Variants in HYAL4 observed in about 807,000 individuals in gnomAD.
The protein encoded by HYAL4 is hyaluronidase 4.
A neutral mutation model predicts 35.2 loss-of-function variants in HYAL4; 37 were observed. That is an observed-to-expected ratio of 1.05 (90% CI 0.81 to 1.38). The LOEUF (loss-of-function observed/expected upper bound fraction) is 1.38. Among genes scored for constraint, HYAL4 ranks in the 40% most tolerant of loss-of-function variants. The probability of loss-of-function intolerance (pLI) is 0.00; values close to 1 mark genes in which losing one functional copy is unlikely to be tolerated. For synonymous variants in HYAL4, 198 were observed against 203.2 expected, an observed-to-expected ratio of 0.97 and a Z score of 0.22; for missense variants, 572 against 572.4, an observed-to-expected ratio of 1.00 and a Z score of 0.01.
intron 2 of HYAL4, among the ~76,000 whole-genome samples, chr7:123,860,807 T>G (rs1806561064): frequency 6.6e-6 from 1 of 152,210 alleles, no homozygotes; most frequent in Non-Finnish European, 1.5e-5. Context: ...CTGTTTCCAC[T>G]AGGAATGTAC....
chr7:123,833,802 T>G (rs1350047271), intron 1 of HYAL4, among the ~76,000 whole-genome samples: 1 of 152,214 alleles, frequency 6.6e-6, no homozygotes, highest in South Asian at 2.1e-4. Flanking sequence ...TTCCTACTTG[T>G]GACTTGCCAA....
upstream of HYAL4, among the ~76,000 whole-genome samples, chr7:123,827,553 A>G (rs900883935): frequency 3.3e-5 from 5 of 152,078 alleles, no homozygotes; most frequent in African/African-American, 1.2e-4. Context: ...GATGCCTCAG[A>G]CAAGGAGTCC....
At chr7:123,844,557 C>G (rs1288806206), upstream of HYAL4, among the ~76,000 whole-genome samples, 1 of 152,196 alleles carries the variant, frequency 6.6e-6, no homozygotes, top group African/African-American at 2.4e-5. Flanking sequence ...AACCACTGCT[C>G]TCTTCAGAGC....
the HYAL4 span, among the ~76,000 whole-genome samples, chr7:123,798,883 T>G: frequency 6.6e-6 from 1 of 152,084 alleles, no homozygotes; most frequent in African/African-American, 2.4e-5. Flanking sequence ...CTCTAGAGTA[T>G]GGTCTAGGGG....
upstream of HYAL4, among the ~76,000 whole-genome samples, chr7:123,844,819 G>A (rs2116920077): frequency 6.6e-6 from 1 of 152,298 alleles, no homozygotes; most frequent in South Asian, 2.1e-4. Context: ...AGGCTCTGTG[G>A]GCGTGGGACC....
At chr7:123,851,397 C>T (rs1373146735) in intron 2 of HYAL4, among the ~76,000 whole-genome samples, 1 of 152,130 alleles carries the variant, frequency 6.6e-6, no homozygotes, top group Non-Finnish European at 1.5e-5. Flanking sequence ...TCCCCTAGCC[C>T]TCTGCCCCCT....
At chr7:123,821,746 A>G in the HYAL4 span, among the ~76,000 whole-genome samples, 1 of 152,262 alleles carries the variant, frequency 6.6e-6, no homozygotes, top group East Asian at 1.9e-4. Flanking sequence ...CATTCTCCCT[A>G]TGTTTTCTTC....
the HYAL4 span, among the ~76,000 whole-genome samples, chr7:123,782,311 A>C: frequency 6.6e-6 from 1 of 152,136 alleles, no homozygotes; most frequent in Non-Finnish European, 1.5e-5. Flanking sequence ...CAACCATACA[A>C]CCTTATCACT....
the HYAL4 span, among the ~76,000 whole-genome samples, chr7:123,806,571 G>A: frequency 6.6e-6 from 1 of 151,780 alleles, no homozygotes; most frequent in Non-Finnish European, 1.5e-5. Flanking sequence ...AGCCTCCTAA[G>A]TAGCTGGGAT....
intron 1 of HYAL4, among the ~76,000 whole-genome samples, chr7:123,846,002 C>T (rs985029012): frequency 6.6e-6 from 1 of 152,190 alleles, no homozygotes; most frequent in Non-Finnish European, 1.5e-5. Context: ...GTGATGTAAA[C>T]CATCTGCAGG....
chr7:123,777,547 G>A, the HYAL4 span, among the ~76,000 whole-genome samples: 4 of 151,988 alleles, frequency 2.6e-5, no homozygotes, highest in African/African-American at 9.7e-5. Flanking sequence ...TAATTCACAC[G>A]TGCAAAAAGT....
chr7:123,868,975 T>C lies in HYAL4; in HGVS notation c.702T>C (p.Ser234=). The part of the protein sequence containing the change: ...HNYNVYAPNY[S]GSCPEDEVLR... ...ATAACGTTTATGCCCCAAACTACTC[T>C]GGGTCATGCCCAGAAGACGAAGTCT... Residue 234 remains serine (S), a synonymous_variant, in exon 3 of 5, where the codon TCT becomes TCC. Transcript: ENST00000223026. 1 of 1,613,950 alleles carries C rather than the reference T, an allele frequency of 6.2e-7. No homozygotes were observed. The highest frequency in any genetic ancestry group is 8.5e-7 in the Non-Finnish European group (1 of 1,179,924).
the HYAL4 span, among the ~76,000 whole-genome samples, chr7:123,820,874 G>A: frequency 1.3e-5 from 2 of 152,098 alleles, no homozygotes; most frequent in African/African-American, 4.8e-5. Context: ...GGCTATTTTA[G>A]ATACCTCGTA....
the HYAL4 span, among the ~76,000 whole-genome samples, chr7:123,774,203 T>C: frequency 1.4e-4 from 22 of 152,070 alleles, no homozygotes; most frequent in Non-Finnish European, 1.8e-4. Flanking sequence ...GCCCAGTTAA[T>C]TTTTTAAAAA....
intron 1 of HYAL4, among the ~76,000 whole-genome samples, chr7:123,836,244 A>G (rs1805961419): frequency 6.6e-6 from 1 of 152,118 alleles, no homozygotes; most frequent in South Asian, 2.1e-4. Flanking sequence ...TAATTGTTTT[A>G]TAAATTTGGG....
At chr7:123,842,907 G>A (rs1038630765), upstream of HYAL4, among the ~76,000 whole-genome samples, 4 of 151,838 alleles carry the variant, frequency 2.6e-5, no homozygotes, top group African/African-American at 9.7e-5. Flanking sequence ...CACGTGAGAT[G>A]GGTCTCCTGA....
chr7:123,770,178 T>G, the HYAL4 span, among the ~76,000 whole-genome samples: 1 of 151,832 alleles, frequency 6.6e-6, no homozygotes, highest in Non-Finnish European at 1.5e-5. Flanking sequence ...ATCATAACCA[T>G]AAGTGGGCTA....
the HYAL4 span, among the ~76,000 whole-genome samples, chr7:123,768,225 G>A: frequency 6.6e-6 from 1 of 152,046 alleles, no homozygotes; most frequent in Non-Finnish European, 1.5e-5. Context: ...CATAACCTCA[G>A]TAAAAATAAA....
intron 2 of HYAL4, among the ~76,000 whole-genome samples, chr7:123,849,329 G>T (rs971743069): frequency 3.3e-5 from 5 of 151,216 alleles, no homozygotes; most frequent in Non-Finnish European, 7.4e-5. Flanking sequence ...TTGAGACAGG[G>T]TCTCTCTGTC....
Sources: allele counts gnomAD v4.1 joint callset (sites outside exome capture counted in the v4.1 genomes callset), GRCh38; gene constraint gnomAD v4.1.1; transcripts MANE v1.5; gene names NCBI Gene and HGNC (gene_info 2026-07-23, HGNC 2026-07-21).